DUS3L: variants seen among roughly 807,000 people sequenced by gnomAD.
DUS3L encodes tRNA-dihydrouridine(47) synthase [NAD(P)(+)]-like.
A neutral mutation model predicts 74.6 loss-of-function variants in DUS3L; 62 were observed. The ratio of observed to expected loss-of-function variants is 0.83; its 90% CI spans 0.68 to 1.03. The LOEUF is 1.03. DUS3L is among the 50% of genes least tolerant of loss of function. The pLI is 0.00. For synonymous variants in DUS3L, 433 were observed against 395.7 expected (o/e 1.09, Z -1.12); for missense variants, 884 against 924.4 (o/e 0.96, Z 0.57).
chr19:5,785,161 T>C lies in DUS3L; in HGVS notation c.*42A>G, dbSNP rs1027304878. The C allele has an allele frequency of 2.6e-6, 4 of 1,557,088 alleles. No homozygotes were observed. Among genetic ancestry groups the C allele is most frequent in the Admixed American group, 3.9e-5 (2 of 51,918 alleles). On this transcript the variant is annotated 3_prime_UTR_variant, in exon 13 of 13. Transcript: ENST00000309061. Reference sequence around the variant, plus strand: ...TGGATTTTAAAAGAATAAAATTTATTGTACTCTCCTCGCCCCAGGGTGCCC... The same window carrying C: ...TGGATTTTAAAAGAATAAAATTTATCGTACTCTCCTCGCCCCAGGGTGCCC...
At chr19:5,789,037 A>T (rs1599621898) in intron 3 of DUS3L, 170 bp downstream of exon 3, 4 of 824,396 alleles carry the variant, frequency 4.9e-6, no homozygotes, top group East Asian at 4.1e-5. Flanking sequence ...CCACCTCCTG[A>T]GGGCTGGGCC....
Position 5,790,271 on chromosome 19 carries a change from G to C in DUS3L, c.163C>G (p.Arg55Gly), listed in dbSNP as rs757220461. The change falls in exon 2 of 13, where the codon CGG becomes GGG. Residue 55 changes from arginine to glycine, a missense_variant. Arg to Gly is a moderately radical substitution (Grantham distance 125). Transcript: ENST00000309061. ...GCAGGGTCTCCTACCTCGGTTTCCC[G>C]GCAAGTCTTCTCCTGCCCTTTGGCT... ...LEAKGQEKTCRETEVGDPAGN... is the reference protein window; with the variant it reads ...LEAKGQEKTCGETEVGDPAGN... 5.0e-6 allele frequency: 8 copies of C among 1,614,082 alleles called. 1 individual carries two copies. The South Asian group carries it at 6.6e-5, about 13-fold the overall frequency.
chr19:5,791,010 G>T (rs774613813), intron 1 of DUS3L, 34 bp downstream of exon 1: 1 of 1,560,382 alleles, frequency 6.4e-7, no homozygotes, highest in South Asian at 1.2e-5. Flanking sequence ...GCCGGAAAAG[G>T]CCCTTCAGCT....
At chr19:5,790,989 G>A in intron 1 of DUS3L, 55 bp downstream of exon 1, 1 of 1,517,440 alleles carries the variant, frequency 6.6e-7, no homozygotes, top group South Asian at 1.2e-5. Flanking sequence ...AGCTCGGACC[G>A]CGCTATGGGT....
intron 5 of DUS3L, 142 bp from the exon 6 acceptor site, chr19:5,787,847 C>T (rs575976882): frequency 2.9e-5 from 41 of 1,422,752 alleles, no homozygotes; most frequent in Middle Eastern, 2.4e-4. Context: ...GGTCTGTCTG[C>T]GAGGCACCGG....
At chr19:5,786,984 T>C in intron 8 of DUS3L, 77 bp downstream of exon 8, 3 of 1,463,440 alleles carry the variant, frequency 2.0e-6, no homozygotes, top group Middle Eastern at 2.1e-4. Flanking sequence ...GAGGGAGGGA[T>C]GGGAGGAGAG....
rs750622459 is a variant in DUS3L at position 5,790,132 on chromosome 19, T to G, written c.302A>C (p.Lys101Thr). ...AEPGEQLQTQKRARGQNKGRP... is the reference protein window; with the variant it reads ...AEPGEQLQTQTRARGQNKGRP... ...GCCCTTGTTTTGTCCCCGGGCCCTC[T>G]TCTGAGTCTGTAGCTGCTCCCCGGG... is the stretch of plus-strand genomic sequence containing the variant. Residue 101 changes from lysine (K) to threonine (T), a missense_variant, in exon 2 of 13, where the codon AAG becomes ACG. By Grantham distance (78) the Lys-to-Thr change is moderately conservative. Coordinates refer to ENST00000309061, the MANE Select transcript of DUS3L (RefSeq NM_020175.3). The G allele has an allele frequency of 6.2e-7, 1 of 1,614,064 alleles. No homozygotes were observed. Among genetic ancestry groups the G allele is most frequent in the East Asian group, 2.2e-5 (1 of 44,900 alleles).
intron 5 of DUS3L, 93 bp downstream of exon 5, chr19:5,787,931 T>C (rs1332506047): frequency 6.5e-7 from 1 of 1,549,194 alleles, no homozygotes; most frequent in East Asian, 2.3e-5. Flanking sequence ...GGCCAGGGGG[T>C]CAGGGAGGCA....
At position 5,787,046 on chromosome 19, in the gene DUS3L, C is replaced by A; in HGVS notation, c.1389+15G>T. On this transcript the variant is annotated intron_variant, in intron 8 of 12. Transcript: ENST00000309061. ...GACCGCGAGGCCCCAATGCCCGAGG[C>A]GTCCCAAGACCCACCGTGACGAGTG... The A allele has an allele frequency of 2.0e-6, 3 of 1,526,478 alleles. No individual in the cohort carries two copies. The highest frequency in any genetic ancestry group is 8.8e-7 in the Non-Finnish European group (1 of 1,141,476). The allele number at this position is 1,526,478 out of a possible 1,614,324, so 94.6% of individuals were successfully genotyped here.
intron 8 of DUS3L, 60 bp from the exon 9 acceptor site, chr19:5,786,905 A>T (rs1326400890): frequency 1.3e-6 from 2 of 1,538,704 alleles, no homozygotes; most frequent in African/African-American, 2.7e-5. Flanking sequence ...AGAGGAAGAG[A>T]CCAAGAGAGC....
Position 5,787,107 on chromosome 19 carries a change from T to C in DUS3L, c.1343A>G (p.His448Arg). The part of the protein sequence containing the change: ...TGVQERVNLA[H>R]RLLPELRDWG... The stretch of plus-strand genomic sequence containing the variant: ...GTCCCGCAGCTCGGGCAGCAGGCGG[T>C]GCGCCAGGTTCACACGCTCCTGGAC... The change falls in exon 8 of 13, where the codon CAC (histidine) becomes CGC (arginine). Residue 448 changes from histidine to arginine, a missense_variant. Coordinates refer to ENST00000309061, the MANE Select transcript of DUS3L (RefSeq NM_020175.3). 2 of 1,033,090 alleles carry C rather than the reference T, an allele frequency of 1.9e-6. No homozygotes were observed. Among genetic ancestry groups the C allele is most frequent in the East Asian group, 2.0e-4 (2 of 10,082 alleles). The allele number at this position is 1,033,090 out of a possible 1,614,324, so 64.0% of individuals were successfully genotyped here. A position where few individuals can be genotyped will look rare whatever the true frequency, so the allele number is the denominator to read the frequency against.
intron 6 of DUS3L, 104 bp downstream of exon 6, chr19:5,787,485 C>T (rs2056865258): frequency 6.6e-7 from 1 of 1,513,666 alleles, no homozygotes; most frequent in South Asian, 1.1e-5. Context: ...ACTCCAGGGC[C>T]ACACTTGAGC....
At chr19:5,790,925 T>G (rs2056904285) in intron 1 of DUS3L, 119 bp downstream of exon 1, 1 of 997,504 alleles carries the variant, frequency 1.0e-6, no homozygotes, top group Non-Finnish European at 1.5e-6. Flanking sequence ...CGGCCCGGAA[T>G]GAAGAGCCGG....
At chr19:5,789,106 T>C in intron 3 of DUS3L, 101 bp downstream of exon 3, 1 of 1,463,566 alleles carries the variant, frequency 6.8e-7, no homozygotes, top group African/African-American at 1.5e-5. Flanking sequence ...ACACAGCCTC[T>C]GACTCCCAGG....
chr19:5,791,061 C>T lies in DUS3L; in HGVS notation c.81G>A (p.Val27=). The change falls in exon 1 of 13, where the codon GTG becomes GTA. Residue 27 remains valine (V), a synonymous_variant. Coordinates refer to ENST00000309061, the MANE Select transcript of DUS3L (RefSeq NM_020175.3). ...DSGAGALERG[V]APIKRQYLTT... ...CGACTCACTGACGCTTAATGGGCGCCACTCCTCGTTCCAAAGCTCCGGCTC... is the reference window on the plus strand; with the variant it reads ...CGACTCACTGACGCTTAATGGGCGCTACTCCTCGTTCCAAAGCTCCGGCTC... 2 of 1,604,976 alleles carry T rather than the reference C, an allele frequency of 1.2e-6. No individual in the cohort carries two copies. Among genetic ancestry groups the T allele is most frequent in the South Asian group, 1.1e-5 (1 of 89,158 alleles).
intron 3 of DUS3L, 157 bp downstream of exon 3, chr19:5,789,050 G>A: frequency 1.7e-6 from 2 of 1,173,806 alleles, no homozygotes; most frequent in Non-Finnish European, 2.3e-6. Flanking sequence ...GCTGGGCCCA[G>A]GACAGAGCAC....
Position 5,786,494 on chromosome 19 carries a change from G to A in DUS3L, c.1535C>T (p.Thr512Ile). Residue 512 changes from threonine to isoleucine, a missense_variant, in exon 10 of 13, where the codon ACT becomes ATT. By Grantham distance (89) the Thr-to-Ile change is moderately conservative. Transcript: ENST00000309061. ...SFEDANRAMQ[T>I]GVTGIMIARG... ...GGCAATCATGATCCCGGTGACACCAGTCTGCATGGCGCGGTTGGCATCCTC... is the reference window on the plus strand; with the variant it reads ...GGCAATCATGATCCCGGTGACACCAATCTGCATGGCGCGGTTGGCATCCTC... The A allele has an allele frequency of 6.2e-7, 1 of 1,613,106 alleles. No homozygotes were observed. Among genetic ancestry groups the A allele is most frequent in the Non-Finnish European group, 8.5e-7 (1 of 1,179,932 alleles).
intron 5 of DUS3L, 34 bp downstream of exon 5, chr19:5,787,990 C>G: frequency 2.5e-6 from 4 of 1,607,824 alleles, no homozygotes; most frequent in Non-Finnish European, 3.4e-6. Flanking sequence ...GCCGAGGGCC[C>G]CTCCACTCTC....
In DUS3L at chr19:5,789,883, C is replaced by T. The variant is rs547125926; in HGVS notation, c.387+164G>A. 1.8e-5 allele frequency: 24 copies of T among 1,299,678 alleles called. No individual in the cohort carries two copies. In the South Asian group the frequency reaches 3.3e-4, roughly 18 times the overall value. 80.5% of individuals were successfully genotyped at this position (1,299,678 alleles called of 1,614,324 possible). A position where few individuals can be genotyped will look rare whatever the true frequency, so the allele number is the denominator to read the frequency against. ...TCCATTTATACAATGAGAACAATGA[C>T]AAGCCCTACAATGTATCCCGAGGAG... On this transcript the variant is annotated intron_variant, in intron 2 of 12. Coordinates refer to ENST00000309061, the MANE Select transcript of DUS3L (RefSeq NM_020175.3).
Sources: allele counts gnomAD v4.1 joint callset, GRCh38; gene constraint gnomAD v4.1.1; transcripts MANE v1.5; gene names NCBI Gene and HGNC (gene_info 2026-07-23, HGNC 2026-07-21).